CPNE5: variants seen among roughly 807,000 people sequenced by gnomAD.
CPNE5 encodes the protein copine 5, also known as copine-5.
Under a neutral mutation model 81.1 loss-of-function variants are expected in CPNE5, and 42 were observed. The observed-to-expected ratio is 0.52, with a 90% CI of 0.40 to 0.67. The LOEUF (loss-of-function observed/expected upper bound fraction) is 0.67. Among genes scored for constraint, CPNE5 ranks in the 30% least tolerant of loss-of-function variants. CPNE5 has a pLI of 0.00. For synonymous variants in CPNE5, 313 were observed against 321.5 expected (o/e 0.97, Z 0.28); for missense variants, 612 against 815.5 (o/e 0.75, Z 3.04).
chr6:36,802,032 A>T (rs770815367), intron 3 of CPNE5, among the ~76,000 whole-genome samples: 18 of 152,080 alleles, frequency 1.2e-4, no homozygotes, highest in Non-Finnish European at 2.2e-4. Flanking sequence ...CATCCTGGCC[A>T]ACATGGTGAA....
At chr6:36,783,852 A>AGAGGTTAACACCCTTGCTT in intron 8 of CPNE5, among the ~76,000 whole-genome samples, 1 of 152,200 alleles carries the variant, frequency 6.6e-6, no homozygotes, top group East Asian at 1.9e-4. Flanking sequence ...CAAAGCACAG[A>AGAGGTTAACACCCTTGCTT]GAGGTTAACA....
chr6:36,777,042 C>T (rs772493462), intron 9 of CPNE5, among the ~76,000 whole-genome samples: 8 of 152,194 alleles, frequency 5.3e-5, no homozygotes, highest in South Asian at 2.1e-4. Context: ...TCCTTGCCCC[C>T]GGAATGCTCC....
chr6:36,756,093 G>GCGC, intron 13 of CPNE5, 152 bp downstream of exon 13: 1 of 595,830 alleles, frequency 1.7e-6, no homozygotes, highest in East Asian at 3.0e-5. Context: ...TGCTCCATCT[G>GCGC]CCCCACCCCT....
intron 14 of CPNE5, among the ~76,000 whole-genome samples, chr6:36,751,510 C>T (rs910856233): frequency 6.6e-5 from 10 of 152,220 alleles, no homozygotes; most frequent in Non-Finnish European, 1.2e-4. Flanking sequence ...ATAGGATGGA[C>T]TGGGTGTGGT....
intron 3 of CPNE5, among the ~76,000 whole-genome samples, chr6:36,803,604 C>G (rs972269706): frequency 6.6e-6 from 1 of 152,162 alleles, no homozygotes; most frequent in African/African-American, 2.4e-5. Flanking sequence ...TGGATATTGA[C>G]CGATTTTGCA....
Position 36,839,148 on chromosome 6 carries a change from T to C in CPNE5, c.95+135A>G. 1 of 604,290 alleles carries C rather than the reference T, an allele frequency of 1.7e-6. No homozygotes were observed. The highest frequency in any genetic ancestry group is 3.2e-5 in the East Asian group (1 of 31,360). The allele number at this position is 604,290 out of a possible 1,614,324, so 37.4% of individuals were successfully genotyped here. A position where few individuals can be genotyped will look rare whatever the true frequency, so the allele number is the denominator to read the frequency against. On this transcript the variant is annotated intron_variant, in intron 1 of 20. Coordinates refer to ENST00000244751, the MANE Select transcript of CPNE5 (RefSeq NM_020939.2). This position sits in a 1 kb window ranked among gnomAD's most constrained non-coding sequence, Gnocchi z 7.3. Reference sequence around the variant, plus strand: ...GGACAGGACAGGGGCTCTTGGCAGATCGGCAGGGGCGCAGTCCTGGAGACC... The same window carrying C: ...GGACAGGACAGGGGCTCTTGGCAGACCGGCAGGGGCGCAGTCCTGGAGACC...
chr6:36,812,724 G>T (rs1771207136), intron 3 of CPNE5, among the ~76,000 whole-genome samples: 1 of 152,230 alleles, frequency 6.6e-6, no homozygotes, highest in Non-Finnish European at 1.5e-5. Flanking sequence ...ATCACGGGGA[G>T]TCAGAGCCCT....
chr6:36,757,967 G>A (rs991855623), intron 12 of CPNE5, among the ~76,000 whole-genome samples: 1 of 152,132 alleles, frequency 6.6e-6, no homozygotes, highest in Non-Finnish European at 1.5e-5. Flanking sequence ...TCACCCAGCG[G>A]CCTGCAGGGA....
chr6:36,792,173 C>T (rs1769157214), intron 7 of CPNE5, 77 bp from the exon 8 acceptor site: 3 of 1,405,244 alleles, frequency 2.1e-6, no homozygotes, highest in East Asian at 2.3e-5. Flanking sequence ...TCAATCAGCC[C>T]CCTGCCCATC....
At chr6:36,783,195 G>A (rs768258584) in intron 8 of CPNE5, among the ~76,000 whole-genome samples, 1 of 152,038 alleles carries the variant, frequency 6.6e-6, no homozygotes, top group South Asian at 2.1e-4. Flanking sequence ...ACACAGAGGG[G>A]AACAACACAC....
intron 10 of CPNE5, among the ~76,000 whole-genome samples, chr6:36,770,744 C>T (rs112058750): frequency 0.026 from 3,990 of 152,306 alleles, 75 homozygotes; most frequent in Non-Finnish European, 0.042. Flanking sequence ...GCCTGGTCCA[C>T]AGCTGCCTCC....
At chr6:36,822,403 T>C (rs1245545466) in intron 2 of CPNE5, among the ~76,000 whole-genome samples, 2 of 151,668 alleles carry the variant, frequency 1.3e-5, no homozygotes, top group Non-Finnish European at 2.9e-5. Flanking sequence ...GATGCACCGA[T>C]TCGGAGGGGT....
At chr6:36,797,385 T>A (rs1769685976) in intron 6 of CPNE5, among the ~76,000 whole-genome samples, 1 of 152,348 alleles carries the variant, frequency 6.6e-6, no homozygotes, top group African/African-American at 2.4e-5. Context: ...AGCCTCGGGA[T>A]CCAGTTAAAT....
intron 1 of CPNE5, among the ~76,000 whole-genome samples, chr6:36,835,125 C>T (rs968125569): frequency 1.3e-5 from 2 of 152,262 alleles, no homozygotes; most frequent in African/African-American, 2.4e-5. Context: ...CGCCCCGCCG[C>T]GTCTTCCCTG....
chr6:36,750,318 C>T (rs1354297926), intron 14 of CPNE5, among the ~76,000 whole-genome samples: 4 of 151,914 alleles, frequency 2.6e-5, no homozygotes, highest in Non-Finnish European at 2.9e-5. Flanking sequence ...CTGATCACAG[C>T]TGAGCTGCTG....
chr6:36,786,750 G>A (rs923450136), intron 8 of CPNE5, among the ~76,000 whole-genome samples: 1 of 152,122 alleles, frequency 6.6e-6, no homozygotes, highest in African/African-American at 2.4e-5. Context: ...GAAAAGGCAG[G>A]CTATAAAACT....
Position 36,839,435 on chromosome 6 carries a change from C to T in CPNE5, c.-58G>A, listed in dbSNP as rs1402838496. 4.2e-6 allele frequency: 6 copies of T among 1,414,650 alleles called. No individual in the cohort carries two copies. The African/African-American group carries it at 8.6e-5, about 20-fold the overall frequency. 87.6% of individuals were successfully genotyped at this position (1,414,650 alleles called of 1,614,324 possible). ...ATCCCTGCGCGATTCACGCCTCCTC[C>T]GGAGCGACTGGAGCCCTGGGCTCTC... On this transcript the variant is annotated 5_prime_UTR_variant, in exon 1 of 21. Coordinates refer to ENST00000244751, the MANE Select transcript of CPNE5 (RefSeq NM_020939.2). This position sits in a 1 kb window ranked among gnomAD's most constrained non-coding sequence, Gnocchi z 7.3.
At position 36,742,536 on chromosome 6, in the gene CPNE5, C is replaced by A. The variant is rs369786070; in HGVS notation, c.1564-50G>T. 3.8e-6 allele frequency: 6 copies of A among 1,578,438 alleles called. No homozygotes were observed. The African/African-American group carries it at 5.4e-5, about 14-fold the overall frequency. ...GGCAGTGCCTCCTGTGGGACCCTGGCCCCCAAAATCTCCAGGCCTGGGGTT... is the reference window on the plus strand; with the variant it reads ...GGCAGTGCCTCCTGTGGGACCCTGGACCCCAAAATCTCCAGGCCTGGGGTT... On this transcript the variant is annotated intron_variant, in intron 20 of 20. Transcript: ENST00000244751.
intron 7 of CPNE5, among the ~76,000 whole-genome samples, chr6:36,794,285 C>A (rs554220507): frequency 6.6e-5 from 10 of 152,072 alleles, no homozygotes; most frequent in African/African-American, 2.2e-4. Context: ...TGCCCAGCCC[C>A]GCTATTCATA....
Sources: gnomAD v4.1 joint callset for allele counts (sites outside exome capture counted in the v4.1 genomes callset) on GRCh38, gnomAD v4.1.1 for gene constraint, Gnocchi (gnomAD v3.1) non-coding constraint, MANE v1.5 for transcripts, NCBI Gene and HGNC (gene_info 2026-07-23, HGNC 2026-07-21) for gene names.